The following SPAG16 variants were observed in gnomAD, a reference collection of about 807,000 sequenced individuals.
SPAG16 encodes sperm-associated antigen 16 protein.
A neutral mutation model predicts 80.4 loss-of-function variants in SPAG16; 86 were observed. The ratio of observed to expected loss-of-function variants is 1.07; its 90% CI spans 0.90 to 1.28. The LOEUF is 1.28. Among genes scored for constraint, SPAG16 ranks in the 50% most tolerant of loss-of-function variants. SPAG16 has a pLI of 0.00. For synonymous variants in SPAG16, 294 were observed against 265.9 expected (o/e 1.11, Z -1.03); for missense variants, 870 against 765.3 (o/e 1.14, Z -1.61).
chr2:214,013,785 G>A (rs2047440162), intron 12 of SPAG16, among the ~76,000 whole-genome samples, 166 bp from the exon 13 acceptor site: 1 of 152,164 alleles, frequency 6.6e-6, no homozygotes, highest in African/African-American at 2.4e-5. Flanking sequence ...ATAAAGTGCT[G>A]AGAATATAAG....
intron 10 of SPAG16, among the ~76,000 whole-genome samples, chr2:213,861,088 T>A (rs555138691): frequency 1.2e-4 from 19 of 152,276 alleles, no homozygotes; most frequent in African/African-American, 4.3e-4. Context: ...GCAAAATGAA[T>A]AATTTCCCTT....
chr2:213,606,284 T>C (rs1478771423), intron 10 of SPAG16, among the ~76,000 whole-genome samples: 1 of 152,216 alleles, frequency 6.6e-6, no homozygotes, highest in African/African-American at 2.4e-5. Context: ...TTTTGGTGGA[T>C]GTATGCTCAA....
intron 10 of SPAG16, among the ~76,000 whole-genome samples, chr2:213,518,630 G>T (rs1049462259): frequency 6.6e-6 from 1 of 152,188 alleles, no homozygotes; most frequent in African/African-American, 2.4e-5. Flanking sequence ...ATGTACAGTG[G>T]TGGTGGGAAT....
chr2:213,387,429 C>CTT (rs1491308938), intron 9 of SPAG16, among the ~76,000 whole-genome samples: 1,437 of 71,662 alleles, frequency 0.02, 339 homozygotes, highest in Middle Eastern at 0.039. Flanking sequence ...GAAATGCATG[C>CTT]TCTTTTTTTT....
chr2:213,454,131 T>G (rs578079858), intron 9 of SPAG16, among the ~76,000 whole-genome samples: 1 of 152,256 alleles, frequency 6.6e-6, no homozygotes, highest in African/African-American at 2.4e-5. Context: ...ACCACAACTC[T>G]CCAGCGAAAT....
chr2:213,585,222 A>G (rs1045602938), intron 10 of SPAG16, among the ~76,000 whole-genome samples: 2 of 151,954 alleles, frequency 1.3e-5, no homozygotes, highest in Non-Finnish European at 2.9e-5. Flanking sequence ...ATATTTAACA[A>G]TACCTTTTGA....
At chr2:214,395,311 T>G (rs937550498) in intron 15 of SPAG16, among the ~76,000 whole-genome samples, 3 of 152,192 alleles carry the variant, frequency 2.0e-5, no homozygotes, top group Non-Finnish European at 4.4e-5. Flanking sequence ...CTGTAACATT[T>G]TGCATCCTCA....
rs78500063 is a variant in SPAG16, at chr2:214,292,343, A to G, written c.1721-117797A>G. Among the ~76,000 whole-genome samples the G allele has an allele frequency of 4.3e-4, 66 of 152,248 alleles. 1 individual carries two copies. The East Asian group carries it at 0.012, about 28-fold the overall frequency. ...TGTTTTTTTAAATAGGATCTTAACTAAACTCTTGTTTTCTCTTCACCCTCA... is the reference window on the plus strand; with the variant it reads ...TGTTTTTTTAAATAGGATCTTAACTGAACTCTTGTTTTCTCTTCACCCTCA... On this transcript the variant is annotated intron_variant, in intron 15 of 15. Transcript: ENST00000331683.
intron 12 of SPAG16, among the ~76,000 whole-genome samples, chr2:213,945,216 CTATA>C (rs1162363709): frequency 3.4e-5 from 5 of 147,368 alleles, no homozygotes; most frequent in Non-Finnish European, 4.5e-5. Flanking sequence ...ATGCATGTAT[CTATA>C]TATGTATCTT....
At chr2:214,317,104 T>C (rs917065159) in intron 15 of SPAG16, among the ~76,000 whole-genome samples, 2 of 152,226 alleles carry the variant, frequency 1.3e-5, no homozygotes, top group African/African-American at 4.8e-5. Context: ...ATTGCAGGTA[T>C]GTTTGGGCTC....
intron 10 of SPAG16, among the ~76,000 whole-genome samples, chr2:213,747,325 A>G (rs2067872897): frequency 6.6e-6 from 1 of 152,364 alleles, no homozygotes; most frequent in Non-Finnish European, 1.5e-5. Context: ...AAGTAAAAAT[A>G]TAGAAAGCTA....
intron 10 of SPAG16, among the ~76,000 whole-genome samples, chr2:213,769,190 A>G (rs1164629772): frequency 6.6e-6 from 1 of 152,068 alleles, no homozygotes; most frequent in African/African-American, 2.4e-5. Flanking sequence ...GATAAAGTCA[A>G]CTCTAAGTTA....
chr2:213,366,748 T>C (rs1309821111), intron 8 of SPAG16, among the ~76,000 whole-genome samples: 3 of 152,142 alleles, frequency 2.0e-5, no homozygotes, highest in African/African-American at 7.2e-5. Flanking sequence ...CATTGATAGA[T>C]GAATGGATAA....
chr2:213,319,812 A>G lies in SPAG16; in HGVS notation c.536+2456A>G, dbSNP rs192741764. ...TGTTTAATAGCAATAATACGAAATA[A>G]CATATTACTCATGCAGATTATTAAC... On this transcript the variant is annotated intron_variant, in intron 5 of 15. Coordinates refer to ENST00000331683, the MANE Select transcript of SPAG16 (RefSeq NM_024532.5). 2.9e-3 allele frequency among the ~76,000 whole-genome samples: 435 copies of G among 152,134 alleles called. 4 individuals carry two copies. Among genetic ancestry groups the G allele is most frequent in the Non-Finnish European group, 5.0e-3 (337 of 67,870 alleles).
At chr2:213,862,290 G>A (rs535064732) in intron 10 of SPAG16, among the ~76,000 whole-genome samples, 195 bp from the exon 11 acceptor site, 40 of 152,274 alleles carry the variant, frequency 2.6e-4, no homozygotes, top group African/African-American at 7.9e-4. Flanking sequence ...TGACTAGATT[G>A]ATGGAGATCA....
At chr2:213,909,632 T>G (rs1178668742) in intron 11 of SPAG16, among the ~76,000 whole-genome samples, 2 of 152,120 alleles carry the variant, frequency 1.3e-5, no homozygotes, top group Non-Finnish European at 2.9e-5. Flanking sequence ...GGGGAAAGGA[T>G]TCCCTATTTA....
chr2:213,908,520 T>G (rs1440670715), intron 11 of SPAG16, among the ~76,000 whole-genome samples: 3 of 152,216 alleles, frequency 2.0e-5, no homozygotes, highest in African/African-American at 7.2e-5. Context: ...TGAACTTCTT[T>G]AAACTACTCA....
At chr2:213,317,194 A>G (rs989666257) in intron 4 of SPAG16, 25 bp from the exon 5 acceptor site, 1 of 1,472,794 alleles carries the variant, frequency 6.8e-7, no homozygotes, top group Non-Finnish European at 9.2e-7. Context: ...AATGATATAA[A>G]CCCTTTTGTT....
chr2:213,467,165 C>T (rs540277216), intron 9 of SPAG16, among the ~76,000 whole-genome samples: 42 of 148,006 alleles, frequency 2.8e-4, no homozygotes, highest in African/African-American at 1.0e-3. Flanking sequence ...AGGCCTGCCT[C>T]TTCAAGTTAT....
Sources: gnomAD v4.1 joint callset for allele counts (sites outside exome capture counted in the v4.1 genomes callset) on GRCh38, gnomAD v4.1.1 for gene constraint, MANE v1.5 for transcripts, NCBI Gene and HGNC (gene_info 2026-07-23, HGNC 2026-07-21) for gene names.